RBFOX1: variants seen among roughly 807,000 people sequenced by gnomAD.
RBFOX1 encodes RNA binding fox-1 homolog 1.
RBFOX1 carries 8 observed loss-of-function variants against 57.7 expected under a neutral mutation model. The ratio of observed to expected loss-of-function variants is 0.14; its 90% CI spans 0.08 to 0.25. The LOEUF (loss-of-function observed/expected upper bound fraction) is 0.25, where lower values mean the gene tolerates loss of function less well. RBFOX1 is among the 10% of genes least tolerant of loss of function. The pLI, the probability that RBFOX1 is intolerant of heterozygous loss-of-function variation, is 1.00. For missense variants in RBFOX1, 611 were observed against 548.5 expected, an observed-to-expected ratio of 1.11 and a Z score of -1.14; for synonymous variants, 326 against 222.4, an observed-to-expected ratio of 1.47 and a Z score of -4.15.
intron 3 of RBFOX1, among the ~76,000 whole-genome samples, chr16:5,711,581 G>A (rs750691485): frequency 1.1e-4 from 16 of 152,204 alleles, no homozygotes; most frequent in African/African-American, 1.2e-4. Context: ...GGCAAAGGCC[G>A]TGGTCATAGG....
intron 2 of RBFOX1, among the ~76,000 whole-genome samples, chr16:6,631,901 G>C (rs766372645): frequency 2.9e-4 from 44 of 152,154 alleles, no homozygotes; most frequent in Non-Finnish European, 5.3e-4. Context: ...TAGCCAAAGA[G>C]GAGTGAGCAG....
At chr16:6,351,594 G>A (rs1016868260) in intron 2 of RBFOX1, among the ~76,000 whole-genome samples, 13 of 151,660 alleles carry the variant, frequency 8.6e-5, no homozygotes, top group African/African-American at 1.7e-4. Flanking sequence ...GGGTGGTCTC[G>A]AACTCCTGAC....
intron 4 of RBFOX1, among the ~76,000 whole-genome samples, chr16:7,137,598 G>C (rs541484455): frequency 3.3e-5 from 5 of 152,242 alleles, no homozygotes; most frequent in Admixed American, 2.6e-4. Context: ...CCCAGTCTCA[G>C]GTATGTCTTT....
intron 1 of RBFOX1, among the ~76,000 whole-genome samples, chr16:5,269,269 C>T (rs187644113): frequency 3.8e-4 from 58 of 152,360 alleles, no homozygotes; most frequent in African/African-American, 1.3e-3. Flanking sequence ...TGTGGTATCT[C>T]ATTGTGGTTT....
chr16:6,989,798 G>A (rs546550440), intron 3 of RBFOX1, among the ~76,000 whole-genome samples: 15 of 152,148 alleles, frequency 9.9e-5, no homozygotes, highest in African/African-American at 1.4e-4. Flanking sequence ...TCAGGATTTC[G>A]AAACTAGCCT....
chr16:6,883,008 C>T (rs913842914), intron 3 of RBFOX1, among the ~76,000 whole-genome samples: 2 of 152,106 alleles, frequency 1.3e-5, no homozygotes, highest in East Asian at 1.9e-4. Flanking sequence ...TTGTTAAGTC[C>T]AATCTGCAGA....
At chr16:6,035,647 C>A (rs1291507453) in intron 1 of RBFOX1, among the ~76,000 whole-genome samples, 1 of 152,206 alleles carries the variant, frequency 6.6e-6, no homozygotes, top group Non-Finnish European at 1.5e-5. Flanking sequence ...CCTCCCAGCT[C>A]CCTGCACGTG....
At position 7,448,925 on chromosome 16, in the gene RBFOX1, C is replaced by G. The variant is rs36164423; in HGVS notation, c.28-69222C>G. Among the ~76,000 whole-genome samples the G allele has an allele frequency of 1.7e-3, 50 of 28,774 alleles. 4 individuals carry two copies. The highest frequency in any genetic ancestry group is 2.6e-3 in the Non-Finnish European group (35 of 13,672). The allele number at this position is 28,774 out of a possible 152,430, so 18.9% of individuals were successfully genotyped here. A position where few individuals can be genotyped will look rare whatever the true frequency, so the allele number is the denominator to read the frequency against. ...TTCTTGGTAGACATTTTTCTTTCCC[C>G]TGTTTTTTTTTTTTTTTTTTTGAGA... On this transcript the variant is annotated intron_variant, in intron 4 of 15. Coordinates refer to ENST00000550418, the MANE Select transcript of RBFOX1 (RefSeq NM_018723.4).
chr16:5,619,276 G>A (rs2048135206), intron 3 of RBFOX1, among the ~76,000 whole-genome samples: 1 of 152,124 alleles, frequency 6.6e-6, no homozygotes, highest in Non-Finnish European at 1.5e-5. Context: ...AGCCACCTTG[G>A]CTGCAAACAT....
At position 7,162,688 on chromosome 16, in the gene RBFOX1, C is replaced by T. The variant is rs189907674; in HGVS notation, c.27+110590C>T. Among the ~76,000 whole-genome samples, 237 of 152,080 alleles carry T rather than the reference C, an allele frequency of 1.6e-3. 1 individual carries two copies. The highest frequency in any genetic ancestry group is 5.4e-3 in the African/African-American group (223 of 41,462). ...AGGTTGCAGTGAGCTGAGATTGCGCCACTGCACTCCACCCTGGGTAACAGA... is the reference window on the plus strand; with the variant it reads ...AGGTTGCAGTGAGCTGAGATTGCGCTACTGCACTCCACCCTGGGTAACAGA... On this transcript the variant is annotated intron_variant, in intron 4 of 15. Transcript: ENST00000550418.
intron 5 of RBFOX1, among the ~76,000 whole-genome samples, chr16:7,563,175 C>A (rs6500986): frequency 2.6e-5 from 4 of 151,914 alleles, no homozygotes; most frequent in African/African-American, 9.7e-5. Flanking sequence ...ATGCTAATCA[C>A]TCAACCAGGA....
At chr16:5,897,965 G>C (rs2058208357) in intron 4 of RBFOX1, among the ~76,000 whole-genome samples, 1 of 151,858 alleles carries the variant, frequency 6.6e-6, no homozygotes. Context: ...GTATGTATTG[G>C]TTTGCTCTCA....
chr16:6,520,946 G>A (rs1293739741), intron 2 of RBFOX1, among the ~76,000 whole-genome samples: 1 of 151,428 alleles, frequency 6.6e-6, no homozygotes, highest in Non-Finnish European at 1.5e-5. Flanking sequence ...GTGTAGGGGG[G>A]GAAAAAAATA....
At chr16:5,844,440 G>A (rs182716499) in intron 3 of RBFOX1, among the ~76,000 whole-genome samples, 7 of 152,210 alleles carry the variant, frequency 4.6e-5, no homozygotes, top group Non-Finnish European at 1.0e-4. Flanking sequence ...ATTGATAAAT[G>A]TGTTTGGCCA....
intron 4 of RBFOX1, among the ~76,000 whole-genome samples, chr16:7,254,557 C>G (rs1327733477): frequency 6.6e-6 from 1 of 151,758 alleles, no homozygotes; most frequent in Non-Finnish European, 1.5e-5. Context: ...TCTAACTGTA[C>G]CAACTCATCA....
At chr16:6,335,776 C>CAAAAAAAAAAAAAA (rs57151962) in intron 2 of RBFOX1, among the ~76,000 whole-genome samples, 3 of 50,944 alleles carry the variant, frequency 5.9e-5, no homozygotes, top group African/African-American at 1.7e-4. Flanking sequence ...AGACTGTCTC[C>CAAAAAAAAAAAAAA]AAAAAAAAAA....
chr16:6,224,705 A>T (rs2097402856), intron 1 of RBFOX1, among the ~76,000 whole-genome samples: 1 of 152,192 alleles, frequency 6.6e-6, no homozygotes, highest in South Asian at 2.1e-4. Flanking sequence ...AGCAACAATC[A>T]GATGGTCAAA....
chr16:7,304,536 T>C (rs974591613), intron 4 of RBFOX1: 9 of 985,148 alleles, frequency 9.1e-6, no homozygotes, highest in Middle Eastern at 5.2e-4. Context: ...CTGGGCCAGA[T>C]GGGTCCCCGC....
chr16:6,895,442 G>T (rs368182935), intron 3 of RBFOX1, among the ~76,000 whole-genome samples: 1 of 78,670 alleles, frequency 1.3e-5, no homozygotes, highest in Non-Finnish European at 2.5e-5. Context: ...GTGTGTGTGT[G>T]TGTGTGTATA....
Sources: allele counts gnomAD v4.1 joint callset (sites outside exome capture counted in the v4.1 genomes callset), GRCh38; gene constraint gnomAD v4.1.1; transcripts MANE v1.5; gene names NCBI Gene and HGNC (gene_info 2026-07-23, HGNC 2026-07-21).